The following RAB38 variants were observed in gnomAD, a reference collection of about 807,000 sequenced individuals.
RAB38 encodes the protein RAB38, member RAS oncogene family, also known as ras-related protein Rab-38.
A neutral mutation model predicts 18.4 loss-of-function variants in RAB38; 15 were observed. That is an observed-to-expected ratio of 0.82 (90% CI 0.55 to 1.26). RAB38 has a LOEUF of 1.26. Ranked by LOEUF, RAB38 falls within the 50% of genes most tolerant of loss-of-function variation. The pLI, the probability that RAB38 is intolerant of heterozygous loss-of-function variation, is 0.00. For missense variants in RAB38, 294 were observed against 267.4 expected (o/e 1.10, Z -0.69); for synonymous variants, 101 against 104.4 (o/e 0.97, Z 0.20).
intron 2 of RAB38, among the ~76,000 whole-genome samples, chr11:88,129,748 G>C (rs1159912250): frequency 6.6e-6 from 1 of 152,156 alleles, no homozygotes. Flanking sequence ...ATAAGATGGA[G>C]TTATTTTTAA....
the RAB38 span, among the ~76,000 whole-genome samples, chr11:88,107,621 G>A: frequency 1.9e-4 from 28 of 151,224 alleles, no homozygotes; most frequent in Non-Finnish European, 3.4e-4. Flanking sequence ...TATCTCCTTC[G>A]GTTCTGCTCT....
At chr11:88,071,243 G>GACACAC in the RAB38 span, among the ~76,000 whole-genome samples, 7,326 of 148,466 alleles carry the variant, frequency 0.049, 210 homozygotes, top group East Asian at 0.14. Context: ...ACTGGGGGAG[G>GACACAC]ACACACACAC....
intron 1 of RAB38, among the ~76,000 whole-genome samples, chr11:88,171,554 A>G (rs1036021060): frequency 1.3e-5 from 2 of 152,250 alleles, no homozygotes; most frequent in African/African-American, 4.8e-5. Flanking sequence ...AGGACAGTAG[A>G]GCAAATCTTT....
intron 2 of RAB38, among the ~76,000 whole-genome samples, chr11:88,131,862 TTC>T: frequency 6.6e-6 from 1 of 152,304 alleles, no homozygotes; most frequent in Non-Finnish European, 1.5e-5. Flanking sequence ...TAGAGAGAAA[TTC>T]TCTTTCTAAC....
chr11:87,819,227 C>A, the RAB38 span, among the ~76,000 whole-genome samples: 1 of 152,142 alleles, frequency 6.6e-6, no homozygotes, highest in African/African-American at 2.4e-5. Context: ...GGCAGTGTAA[C>A]CTATTGAACA....
the RAB38 span, among the ~76,000 whole-genome samples, chr11:87,893,911 C>T: frequency 6.6e-6 from 1 of 151,600 alleles, no homozygotes; most frequent in African/African-American, 2.4e-5. Context: ...CCTTGAGATT[C>T]CATATGAATC....
chr11:88,016,538 A>ATCCATCTTGCT, the RAB38 span, among the ~76,000 whole-genome samples: 1 of 152,072 alleles, frequency 6.6e-6, no homozygotes, highest in Non-Finnish European at 1.5e-5. Flanking sequence ...CCAGCTAAAG[A>ATCCATCTTGCT]TCCATCTTGC....
At chr11:88,136,601 C>G (rs914149968) in intron 2 of RAB38, among the ~76,000 whole-genome samples, 3 of 152,068 alleles carry the variant, frequency 2.0e-5, no homozygotes, top group Non-Finnish European at 4.4e-5. Flanking sequence ...AAGTAGAAAG[C>G]TGGAAAGAAT....
chr11:88,114,243 T>C (rs975182151), intron 2 of RAB38, 103 bp from the exon 3 acceptor site: 2 of 1,187,528 alleles, frequency 1.7e-6, no homozygotes, highest in South Asian at 2.8e-5. Flanking sequence ...CCTTCCTATA[T>C]GCTACATATG....
the RAB38 span, among the ~76,000 whole-genome samples, chr11:87,813,123 T>C: frequency 7.2e-3 from 1,099 of 152,322 alleles, 13 homozygotes; most frequent in African/African-American, 0.025. Flanking sequence ...AATGCGTCTC[T>C]GGGAGGGACC....
At chr11:88,004,202 G>A in the RAB38 span, among the ~76,000 whole-genome samples, 4 of 149,986 alleles carry the variant, frequency 2.7e-5, no homozygotes, top group South Asian at 8.4e-4. Context: ...CAGATGAAAG[G>A]ACATACATTC....
the RAB38 span, among the ~76,000 whole-genome samples, chr11:88,062,722 G>A: frequency 0.27 from 41,455 of 152,036 alleles, 7,282 homozygotes; most frequent in African/African-American, 0.5. Context: ...TTAGTTTCTA[G>A]TCCAGGTTTC....
the RAB38 span, among the ~76,000 whole-genome samples, chr11:87,849,977 G>A: frequency 6.6e-6 from 1 of 152,020 alleles, no homozygotes; most frequent in African/African-American, 2.4e-5. Flanking sequence ...TTAGCAAGCA[G>A]CTTTTAAATG....
chr11:87,949,951 C>T, the RAB38 span, among the ~76,000 whole-genome samples: 5 of 152,098 alleles, frequency 3.3e-5, no homozygotes, highest in African/African-American at 1.2e-4. Context: ...TCCTTGTTAA[C>T]TTTCTGTCTC....
chr11:87,883,012 A>AT, the RAB38 span, among the ~76,000 whole-genome samples: 3 of 151,772 alleles, frequency 2.0e-5, no homozygotes, highest in Non-Finnish European at 4.4e-5. Flanking sequence ...TTATTTTTAC[A>AT]TTTTTTTAGT....
the RAB38 span, among the ~76,000 whole-genome samples, chr11:88,107,154 T>G: frequency 6.6e-6 from 1 of 152,096 alleles, no homozygotes. Context: ...ATACCACAGA[T>G]TTTGCCCATT....
the RAB38 span, among the ~76,000 whole-genome samples, chr11:87,835,805 A>C: frequency 1.3e-5 from 2 of 152,202 alleles, no homozygotes; most frequent in Admixed American, 6.5e-5. Context: ...CTGTGGGAAA[A>C]TAAATTTCTG....
rs302647 is a variant in RAB38 at position 88,175,178 on chromosome 11, C to G, written c.202+5G>C. 482,365 of 1,592,368 alleles carry G rather than the reference C, an allele frequency of 0.3. 75,266 individuals carry two copies. The highest frequency in any genetic ancestry group is 0.33 in the Admixed American group (19,254 of 57,604). On this transcript the variant is annotated splice_donor_5th_base_variant and intron_variant, in intron 1 of 2. Transcript: ENST00000243662. ...ATCCCCCTGACCCCCTCCCCCCGCG[C>G]TCACCTGCGATATCCCAGAGCTGCA...
chr11:87,900,039 C>T, the RAB38 span, among the ~76,000 whole-genome samples: 6 of 151,440 alleles, frequency 4.0e-5, no homozygotes, highest in African/African-American at 9.7e-5. Flanking sequence ...GAGACACTGA[C>T]GGGCATGCTG....
Sources: gnomAD v4.1 joint callset for allele counts (sites outside exome capture counted in the v4.1 genomes callset) on GRCh38, gnomAD v4.1.1 for gene constraint, MANE v1.5 for transcripts, NCBI Gene and HGNC (gene_info 2026-07-23, HGNC 2026-07-21) for gene names.